Variants in GAB2 observed in about 807,000 individuals in gnomAD.
The protein encoded by GAB2 is GRB2-associated-binding protein 2.
In GAB2, 26 loss-of-function variants were observed where a neutral mutation model predicts 65.5. The observed-to-expected ratio is 0.40, with a 90% CI of 0.29 to 0.55. The LOEUF (loss-of-function observed/expected upper bound fraction) is 0.55. GAB2 is among the 20% of genes least tolerant of loss of function. The pLI is 0.53. For synonymous variants in GAB2, 321 were observed against 329.6 expected, an observed-to-expected ratio of 0.97 and a Z score of 0.28; for missense variants, 884 against 875.8, an observed-to-expected ratio of 1.01 and a Z score of -0.12.
intron 1 of GAB2, among the ~76,000 whole-genome samples, chr11:78,396,680 C>T (rs975575659): frequency 6.6e-6 from 1 of 152,168 alleles, no homozygotes; most frequent in Admixed American, 6.5e-5. Flanking sequence ...TCACCGCAAC[C>T]TCCGCCTCCC....
chr11:78,291,238 G>C (rs147205598), intron 1 of GAB2, among the ~76,000 whole-genome samples: 420 of 149,366 alleles, frequency 2.8e-3, no homozygotes, highest in African/African-American at 9.8e-3. Context: ...AGATCACGAG[G>C]TCAGGAGATT....
intron 1 of GAB2, among the ~76,000 whole-genome samples, chr11:78,290,302 G>A (rs1385518018): frequency 1.3e-5 from 2 of 152,176 alleles, no homozygotes; most frequent in Non-Finnish European, 2.9e-5. Flanking sequence ...AAGAATTTGT[G>A]TCTAGGATCA....
chr11:78,332,433 C>T (rs1855931024), intron 1 of GAB2, among the ~76,000 whole-genome samples: 1 of 152,110 alleles, frequency 6.6e-6, no homozygotes. Context: ...CAATATTGAT[C>T]AAGTCCTCAC....
At chr11:78,277,608 G>C (rs1419264543) in intron 2 of GAB2, among the ~76,000 whole-genome samples, 1 of 152,212 alleles carries the variant, frequency 6.6e-6, no homozygotes. Flanking sequence ...AGGAACACTT[G>C]GCTGGTAAAA....
intron 1 of GAB2, among the ~76,000 whole-genome samples, chr11:78,345,448 G>C (rs1174542396): frequency 6.6e-6 from 1 of 152,198 alleles, no homozygotes; most frequent in Non-Finnish European, 1.5e-5. Flanking sequence ...GTAAAAGGAA[G>C]TCAGGTGTAA....
chr11:78,284,022 C>A (rs1193227305), intron 1 of GAB2, among the ~76,000 whole-genome samples: 1 of 152,146 alleles, frequency 6.6e-6, no homozygotes, highest in Non-Finnish European at 1.5e-5. Context: ...TAGTAGGTAT[C>A]TCAACATTAA....
chr11:78,354,071 C>T (rs1040696724), intron 1 of GAB2, among the ~76,000 whole-genome samples: 3 of 152,288 alleles, frequency 2.0e-5, no homozygotes, highest in South Asian at 4.1e-4. Context: ...ACTTTGAGAA[C>T]TACTGAAATA....
At chr11:78,401,516 G>C (rs900011988) in intron 1 of GAB2, among the ~76,000 whole-genome samples, 1 of 148,120 alleles carries the variant, frequency 6.8e-6, no homozygotes, top group African/African-American at 2.5e-5. Flanking sequence ...GTGTGTGTGT[G>C]TGTGTGTGTG....
At chr11:78,319,945 G>C (rs115581465) in intron 1 of GAB2, among the ~76,000 whole-genome samples, 2 of 150,474 alleles carry the variant, frequency 1.3e-5, no homozygotes, top group African/African-American at 2.4e-5. Flanking sequence ...GTGTGATCTC[G>C]GCTCACTGCA....
chr11:78,298,671 C>CA (rs1866907683), intron 1 of GAB2, among the ~76,000 whole-genome samples: 1 of 152,202 alleles, frequency 6.6e-6, no homozygotes. Flanking sequence ...AAAGAAAGGT[C>CA]ATTCCCCTGA....
rs140871422 is a variant in GAB2, at chr11:78,398,641, AAAAT to A, written c.75+19001_75+19004del. On this transcript the variant is annotated intron_variant, in intron 1 of 9. Transcript: ENST00000361507. The stretch of plus-strand genomic sequence containing the variant: ...AAAAATTCACAATGTTATAATAAAA[AAAAT>A]AAAGTGATAACTGATGTTGGTTATA... 9.2e-3 allele frequency among the ~76,000 whole-genome samples: 1,406 copies of A among 152,338 alleles called. 22 individuals are homozygous for A. The highest frequency in any genetic ancestry group is 0.032 in the African/African-American group (1,334 of 41,564).
intron 1 of GAB2, among the ~76,000 whole-genome samples, chr11:78,405,272 G>A (rs1196675964): frequency 6.6e-6 from 1 of 151,950 alleles, no homozygotes; most frequent in Non-Finnish European, 1.5e-5. Flanking sequence ...CTAATTTTTT[G>A]TATTTTTAGT....
At chr11:78,372,426 AGCCCCTAGAGGTTCCAC>A (rs1311748215) in intron 1 of GAB2, among the ~76,000 whole-genome samples, 1 of 152,250 alleles carries the variant, frequency 6.6e-6, no homozygotes, top group African/African-American at 2.4e-5. Context: ...ACATTTGACC[AGCCCCTAGAGGTTCCAC>A]ATCTAAGGTT....
chr11:78,300,844 G>C lies in GAB2; in HGVS notation c.76-19943C>G, dbSNP rs1335945667. 3.3e-5 allele frequency among the ~76,000 whole-genome samples: 5 copies of C among 151,830 alleles called. No homozygotes were observed. In the South Asian group the frequency reaches 1.0e-3, roughly 32 times the overall value. On this transcript the variant is annotated intron_variant, in intron 1 of 9. Coordinates refer to ENST00000361507, the MANE Select transcript of GAB2 (RefSeq NM_080491.3). Reference sequence around the variant, plus strand: ...CAAGTAGCTGGGACTATAGGTACCTGCCACCATGCCCAGCTAATTTTTGTA... The same window carrying C: ...CAAGTAGCTGGGACTATAGGTACCTCCCACCATGCCCAGCTAATTTTTGTA...
At chr11:78,392,068 C>A (rs567545990) in intron 1 of GAB2, 4 of 152,082 alleles carry the variant, frequency 2.6e-5, no homozygotes, top group Admixed American at 2.0e-4. Context: ...GAAACCCTGT[C>A]TCTACTAAAA....
rs1554999817 is a variant in GAB2, at chr11:78,398,021, T to TACACACACACACACAC, written c.75+19609_75+19624dup. Among the ~76,000 whole-genome samples, 304 of 112,526 alleles carry TACACACACACACACAC rather than the reference T, an allele frequency of 2.7e-3. 3 individuals carry two copies. Among genetic ancestry groups the TACACACACACACACAC allele is most frequent in the African/African-American group, 8.8e-3 (281 of 31,822 alleles). 73.8% of individuals were successfully genotyped at this position (112,526 alleles called of 152,430 possible). ...TGCTATGGTCCTGCCTGTGAATAGC[T>TACACACACACACACAC]ACACACACACACACACACACATCCC... On this transcript the variant is annotated intron_variant, in intron 1 of 9. Coordinates refer to ENST00000361507, the MANE Select transcript of GAB2 (RefSeq NM_080491.3).
intron 1 of GAB2, among the ~76,000 whole-genome samples, chr11:78,302,898 G>A (rs555851442): frequency 1.1e-4 from 16 of 152,304 alleles, no homozygotes; most frequent in African/African-American, 3.4e-4. Context: ...TCACAGCAAC[G>A]TGGATGGGAT....
At chr11:78,368,052 G>A (rs1856520935) in intron 1 of GAB2, among the ~76,000 whole-genome samples, 1 of 151,964 alleles carries the variant, frequency 6.6e-6, no homozygotes, top group Admixed American at 6.6e-5. Flanking sequence ...TCCTGACCTC[G>A]TGATCCGCCC....
chr11:78,273,833 T>G (rs553621541), intron 2 of GAB2, among the ~76,000 whole-genome samples: 6 of 152,174 alleles, frequency 3.9e-5, no homozygotes, highest in Non-Finnish European at 8.8e-5. Context: ...GGGCAGGTCT[T>G]TCCCAGGTTG....
Sources: gnomAD v4.1 joint callset for allele counts (sites outside exome capture counted in the v4.1 genomes callset) on GRCh38, gnomAD v4.1.1 for gene constraint, MANE v1.5 for transcripts, NCBI Gene and HGNC (gene_info 2026-07-23, HGNC 2026-07-21) for gene names.